The following TNIP3 variants were observed in gnomAD, a reference collection of about 807,000 sequenced individuals.
The protein encoded by TNIP3 is TNFAIP3-interacting protein 3.
TNIP3 carries 34 observed loss-of-function variants against 54.1 expected under a neutral mutation model. That is an observed-to-expected ratio of 0.63 (90% CI 0.48 to 0.84). TNIP3 has a LOEUF of 0.84. TNIP3 is among the 40% of genes least tolerant of loss of function. The pLI is 0.00. For synonymous variants in TNIP3, 134 were observed against 136.8 expected (o/e 0.98, Z 0.14); for missense variants, 366 against 387.6 (o/e 0.94, Z 0.47).
At chr4:121,192,478 A>G (rs1725353279) in intron 2 of TNIP3, among the ~76,000 whole-genome samples, 1 of 152,184 alleles carries the variant, frequency 6.6e-6, no homozygotes, top group South Asian at 2.1e-4. Flanking sequence ...ATGCTGAAAC[A>G]AATCATGATC....
chr4:121,203,936 TTTTC>T (rs1387761173), intron 2 of TNIP3, among the ~76,000 whole-genome samples: 1 of 148,702 alleles, frequency 6.7e-6, no homozygotes, highest in Non-Finnish European at 1.5e-5. Context: ...CACAAAATAT[TTTTC>T]TTTCTTTTTA....
chr4:121,136,082 T>C (rs1172197603), intron 10 of TNIP3, among the ~76,000 whole-genome samples: 1 of 152,206 alleles, frequency 6.6e-6, no homozygotes, highest in Non-Finnish European at 1.5e-5. Context: ...AGGATAGGTT[T>C]CAAATGACAA....
At chr4:121,225,432 G>GT (rs201786289) in intron 1 of TNIP3, among the ~76,000 whole-genome samples, 1 of 151,828 alleles carries the variant, frequency 6.6e-6, no homozygotes, top group Non-Finnish European at 1.5e-5. Flanking sequence ...TTTTCTTCTT[G>GT]TTTTTTTCTT....
At chr4:121,189,308 C>A (rs565161121) in intron 2 of TNIP3, among the ~76,000 whole-genome samples, 3 of 152,102 alleles carry the variant, frequency 2.0e-5, no homozygotes, top group African/African-American at 7.2e-5. Flanking sequence ...TCAGGAAAGA[C>A]CCTGGAGAAC....
At chr4:121,217,097 T>C (rs1178258264), upstream of TNIP3, among the ~76,000 whole-genome samples, 1 of 152,176 alleles carries the variant, frequency 6.6e-6, no homozygotes, top group Non-Finnish European at 1.5e-5. Context: ...TCACTTAAGT[T>C]TGGTGCAACT....
chr4:121,168,516 C>A (rs576886573), upstream of TNIP3, among the ~76,000 whole-genome samples: 4 of 115,258 alleles, frequency 3.5e-5, no homozygotes, highest in South Asian at 9.8e-4. Flanking sequence ...TTTTTCTTTT[C>A]TTTGCTTTTT....
At chr4:121,152,345 TAAATAAGA>T (rs1404441543) in intron 5 of TNIP3, among the ~76,000 whole-genome samples, 1 of 152,214 alleles carries the variant, frequency 6.6e-6, no homozygotes, top group South Asian at 2.1e-4. Flanking sequence ...AAACCCATCT[TAAATAAGA>T]CAAAAATCTA....
At chr4:121,208,679 G>T (rs942879457) in intron 2 of TNIP3, among the ~76,000 whole-genome samples, 2 of 152,178 alleles carry the variant, frequency 1.3e-5, no homozygotes, top group African/African-American at 4.8e-5. Context: ...CAGGCAAGGA[G>T]AATCCATTGG....
chr4:121,138,724 T>C lies in TNIP3; in HGVS notation c.886-40A>G, dbSNP rs747913012. 3.2e-6 allele frequency: 5 copies of C among 1,555,180 alleles called. No individual in the cohort carries two copies. In the East Asian group the frequency reaches 9.0e-5, roughly 28 times the overall value. The stretch of plus-strand genomic sequence containing the variant: ...ACAACATTATTATAGCAATATGGAC[T>C]TCAAATATAGTGGCATGTCAAAAAT... On this transcript the variant is annotated intron_variant, in intron 9 of 10. Coordinates refer to ENST00000057513, the MANE Select transcript of TNIP3 (RefSeq NM_024873.6).
chr4:121,205,972 G>A (rs1016912332), intron 2 of TNIP3, among the ~76,000 whole-genome samples: 1 of 152,140 alleles, frequency 6.6e-6, no homozygotes, highest in African/African-American at 2.4e-5. Context: ...GCAAGAAGGA[G>A]AAGTGCCGAG....
intron 8 of TNIP3, 54 bp downstream of exon 8, chr4:121,142,672 T>C: frequency 6.7e-7 from 1 of 1,493,588 alleles, no homozygotes; most frequent in Non-Finnish European, 9.3e-7. Flanking sequence ...ATTGGGACAA[T>C]GAGAAATGCT....
rs1365174712 is a variant in TNIP3, at chr4:121,164,111, T to C, written c.15A>G (p.Val5=). 1 of 1,613,692 alleles carries C rather than the reference T, an allele frequency of 6.2e-7. No individual in the cohort carries two copies. The highest frequency in any genetic ancestry group is 8.5e-7 in the Non-Finnish European group (1 of 1,179,794). The change falls in exon 1 of 11, where the codon GTA becomes GTG. Residue 5 remains valine, a synonymous_variant. Coordinates refer to ENST00000057513, the MANE Select transcript of TNIP3 (RefSeq NM_024873.6). MAHF[V]QGTSRMIAAE... is the part of the protein sequence containing the mutation. ...CGGCAATCATTCTAGATGTGCCCTG[T>C]ACAAAATGTGCCATGGAAGCTGTTT...
In TNIP3 at chr4:121,210,731, T is replaced by G. The variant is rs999025096; in HGVS notation, c.68+5684A>C. Among the ~76,000 whole-genome samples the G allele has an allele frequency of 3.3e-5, 5 of 152,122 alleles. No homozygotes were observed. In the East Asian group the frequency reaches 9.6e-4, roughly 29 times the overall value. On this transcript the variant is annotated intron_variant, in intron 2 of 12. Coordinates refer to the TNIP3 transcript ENST00000507879. ...GAGAGAGACAGCAAGCTCTCTGGTG[T>G]CTCTTTTTATAAGGGCACTAATCCT...
upstream of TNIP3, chr4:121,216,710 C>G (rs1476204455): frequency 8.5e-7 from 1 of 1,179,434 alleles, no homozygotes; most frequent in Admixed American, 3.1e-5. Flanking sequence ...AGGTAAACCA[C>G]TGGGTGTAAA....
intron 2 of TNIP3, among the ~76,000 whole-genome samples, chr4:121,205,127 C>T (rs377100894): frequency 4.6e-5 from 7 of 152,092 alleles, no homozygotes; most frequent in African/African-American, 1.4e-4. Flanking sequence ...TAAGTGGAAT[C>T]AGGGTTATGA....
intron 2 of TNIP3, among the ~76,000 whole-genome samples, chr4:121,198,520 A>G (rs1382730803): frequency 2.0e-5 from 3 of 152,322 alleles, no homozygotes; most frequent in Non-Finnish European, 4.4e-5. Flanking sequence ...TGCATTTCTT[A>G]GTGGTGAGCA....
exon 3 of TNIP3, chr4:121,182,751 C>T (rs1334101453): frequency 1.0e-5 from 16 of 1,534,080 alleles, no homozygotes; most frequent in Non-Finnish European, 1.4e-5. Flanking sequence ...ACGCATTTCT[C>T]TCAATCAGAT....
At chr4:121,132,755 CAAAA>C in intron 10 of TNIP3, 93 bp from the exon 11 acceptor site, 45 of 786,156 alleles carry the variant, frequency 5.7e-5, no homozygotes, top group Non-Finnish European at 6.3e-5. Flanking sequence ...TCCAGGATGG[CAAAA>C]AAAAAAAAAA....
chr4:121,158,712 C>T lies in TNIP3; in HGVS notation c.188G>A (p.Ser63Asn). Residue 63 changes from serine to asparagine, a missense_variant, in exon 3 of 11, where the codon AGT (serine) becomes AAT (asparagine). Coordinates refer to ENST00000057513, the MANE Select transcript of TNIP3 (RefSeq NM_024873.6). ...VNQQWDQQFR[S>N]MKELYERKVA... The stretch of plus-strand genomic sequence containing the variant: ...CTTTCTTTCATATAACTCTTTCATA[C>T]TTCTAAATTGCTGATCCCATTGCTG... The T allele has an allele frequency of 1.2e-6, 2 of 1,612,848 alleles. No individual in the cohort carries two copies. The highest frequency in any genetic ancestry group is 3.4e-5 in the Admixed American group (2 of 59,616).
Sources: allele counts gnomAD v4.1 joint callset (sites outside exome capture counted in the v4.1 genomes callset), GRCh38; gene constraint gnomAD v4.1.1; transcripts MANE v1.5; gene names NCBI Gene and HGNC (gene_info 2026-07-23, HGNC 2026-07-21).